The following UBE2Z variants were observed in gnomAD, a reference collection of about 807,000 sequenced individuals.
The protein encoded by UBE2Z is ubiquitin-conjugating enzyme E2 Z.
Under a neutral mutation model 32.6 loss-of-function variants are expected in UBE2Z, and 10 were observed. The ratio of observed to expected loss-of-function variants is 0.31; its 90% CI spans 0.19 to 0.52. The LOEUF is 0.52. Among genes scored for constraint, UBE2Z ranks in the 20% least tolerant of loss-of-function variants. The pLI is 0.97. For missense variants in UBE2Z, 343 were observed against 480.9 expected (o/e 0.71, Z 2.68); for synonymous variants, 183 against 190.8 (o/e 0.96, Z 0.34).
chr17:48,918,028 C>T (rs1046197361), intron 4 of UBE2Z, among the ~76,000 whole-genome samples: 1 of 152,148 alleles, frequency 6.6e-6, no homozygotes, highest in African/African-American at 2.4e-5. Context: ...CTTCTGCCTC[C>T]CAGGTTCAAG....
Position 48,927,224 on chromosome 17 carries a change from C to T in UBE2Z, c.*90C>T. On this transcript the variant is annotated 3_prime_UTR_variant, in exon 7 of 7. Coordinates refer to ENST00000360943, the MANE Select transcript of UBE2Z (RefSeq NM_023079.5). ...GGGATGGAGAGGCACTGTGTATCTC[C>T]CTCCAGACTCGAAGTCATCCTGCAA... is the stretch of plus-strand genomic sequence containing the variant. 2.2e-6 allele frequency: 3 copies of T among 1,367,702 alleles called. No homozygotes were observed. Among genetic ancestry groups the T allele is most frequent in the Non-Finnish European group, 2.0e-6 (2 of 996,620 alleles). The allele number at this position is 1,367,702 out of a possible 1,614,324, so 84.7% of individuals were successfully genotyped here. A position where few individuals can be genotyped will look rare whatever the true frequency, so the allele number is the denominator to read the frequency against.
Position 48,908,509 on chromosome 17 carries a change from G to T in UBE2Z, c.6G>T (p.Ala2=), listed in dbSNP as rs1261367031. The change falls in exon 1 of 7, where the codon GCG becomes GCT. Residue 2 remains alanine (A), a synonymous_variant. Transcript: ENST00000360943. M[A]ESPTEEAATA... ...GTCCCGGAAGCGAAGCAGCGATGGC[G>T]GAGAGTCCGACTGAGGAGGCGGCAA... The T allele has an allele frequency of 1.7e-5, 21 of 1,235,086 alleles. No homozygotes were observed. Among genetic ancestry groups the T allele is most frequent in the Middle Eastern group, 2.7e-4 (1 of 3,716 alleles). The allele number at this position is 1,235,086 out of a possible 1,614,324, so 76.5% of individuals were successfully genotyped here. A position where few individuals can be genotyped will look rare whatever the true frequency, so the allele number is the denominator to read the frequency against.
At chr17:48,910,103 G>A (rs2040665437) in intron 1 of UBE2Z, among the ~76,000 whole-genome samples, 1 of 151,934 alleles carries the variant, frequency 6.6e-6, no homozygotes, top group South Asian at 2.1e-4. Context: ...TAGGCTTTTC[G>A]CCACCTAGAA....
intron 4 of UBE2Z, 61 bp from the exon 5 acceptor site, chr17:48,921,099 C>T (rs569060427): frequency 8.9e-5 from 124 of 1,394,772 alleles, no homozygotes; most frequent in Middle Eastern, 1.8e-4. Context: ...CTTGAAGTCC[C>T]TTCCCATTGG....
At chr17:48,923,178 G>A (rs984705118) in intron 6 of UBE2Z, 9 of 319,876 alleles carry the variant, frequency 2.8e-5, no homozygotes, top group Middle Eastern at 2.1e-3. Flanking sequence ...AAAATTAGCC[G>A]GGCATCGTGG....
Position 48,927,324 on chromosome 17 carries a change from A to C in UBE2Z, c.*190A>C, listed in dbSNP as rs1237251485. On this transcript the variant is annotated 3_prime_UTR_variant, in exon 7 of 7. Coordinates refer to ENST00000360943, the MANE Select transcript of UBE2Z (RefSeq NM_023079.5). ...CTGTTCCCGGTCTGACCTCCTTGGC[A>C]CTGGAGCATCTGGGGCTTCGTTCAT... 1.6e-6 allele frequency: 1 copy of C among 610,140 alleles called. No individual in the cohort carries two copies. Among genetic ancestry groups the C allele is most frequent in the Non-Finnish European group, 2.8e-6 (1 of 353,590 alleles). 37.8% of individuals were successfully genotyped at this position (610,140 alleles called of 1,614,324 possible). A position where few individuals can be genotyped will look rare whatever the true frequency, so the allele number is the denominator to read the frequency against.
chr17:48,909,300 G>T (rs1329922815), intron 1 of UBE2Z, among the ~76,000 whole-genome samples: 1 of 150,936 alleles, frequency 6.6e-6, no homozygotes, highest in African/African-American at 2.4e-5. Flanking sequence ...CCTTTGCCAT[G>T]CCTCTGACTC....
At chr17:48,923,183 T>A in intron 6 of UBE2Z, 1 of 317,866 alleles carries the variant, frequency 3.1e-6, no homozygotes, top group Non-Finnish European at 6.1e-6. Flanking sequence ...TAGCCGGGCA[T>A]CGTGGCGTGT....
chr17:48,911,093 T>A (rs1052723813), intron 2 of UBE2Z: 43 of 539,364 alleles, frequency 8.0e-5, no homozygotes, highest in Middle Eastern at 9.8e-4. Context: ...TAGGTACTGA[T>A]TGGCTTGGAA....
rs1179671698 is a variant in UBE2Z, at chr17:48,928,803, T to C, written c.*1669T>C. The C allele has an allele frequency of 1.3e-5, 2 of 152,678 alleles. No individual in the cohort carries two copies. The highest frequency in any genetic ancestry group is 2.9e-5 in the Non-Finnish European group (2 of 68,064). 9.5% of individuals were successfully genotyped at this position (152,678 alleles called of 1,614,324 possible). ...GCTACTCCAGGGCTTAGAAGAATGC[T>C]CTTGGTCTGTGGGTCCAGTGTTGTC... On this transcript the variant is annotated 3_prime_UTR_variant, in exon 7 of 7. Transcript: ENST00000360943.
At chr17:48,921,337 C>A in intron 5 of UBE2Z, 65 bp downstream of exon 5, 1 of 1,264,000 alleles carries the variant, frequency 7.9e-7, no homozygotes, top group Non-Finnish European at 1.1e-6. Flanking sequence ...ATCTTTGGGG[C>A]AGAGTACAGT....
intron 4 of UBE2Z, among the ~76,000 whole-genome samples, chr17:48,917,556 G>A (rs531032992): frequency 6.6e-6 from 1 of 152,228 alleles, no homozygotes; most frequent in Admixed American, 6.5e-5. Context: ...AGAGTCAAAG[G>A]AGCTAGTCAT....
In UBE2Z at chr17:48,928,662, GGATTGGT is replaced by G. The variant is rs2143783008; in HGVS notation, c.*1530_*1536del. The G allele has an allele frequency of 6.5e-6, 1 of 152,864 alleles. No homozygotes were observed. The highest frequency in any genetic ancestry group is 1.9e-4 in the East Asian group (1 of 5,188). The allele number at this position is 152,864 out of a possible 1,614,324, so 9.5% of individuals were successfully genotyped here. On this transcript the variant is annotated 3_prime_UTR_variant, in exon 7 of 7. Coordinates refer to ENST00000360943, the MANE Select transcript of UBE2Z (RefSeq NM_023079.5). ...GGCAGGAAGCAAAGGAACTGGACAG[GGATTGGT>G]GGGCTTGGGGAACGGAAGTTTATCT...
chr17:48,910,584 C>A (rs540931879), intron 1 of UBE2Z: 16 of 447,152 alleles, frequency 3.6e-5, no homozygotes, highest in Admixed American at 1.0e-4. Flanking sequence ...CTCCCCTCCC[C>A]CTGAGGAAAC....
chr17:48,922,997 C>G, intron 6 of UBE2Z, 60 bp downstream of exon 6: 2 of 1,468,048 alleles, frequency 1.4e-6, no homozygotes, highest in Non-Finnish European at 1.9e-6. Flanking sequence ...AAAAGCCCCC[C>G]ACAAGCGTGG....
chr17:48,927,039 G>C lies in UBE2Z; in HGVS notation c.970G>C (p.Val324Leu). Residue 324 changes from valine (V) to leucine (L), a missense_variant, in exon 7 of 7, where the codon GTG (valine) becomes CTG (leucine). Physicochemically the swap from Val to Leu is conservative, Grantham distance 32 (BLOSUM62 1). This residue lies in a region of UBE2Z where 182 missense variants were observed against 312.4 expected (regional missense o/e 0.58). Transcript: ENST00000360943. ...GCGCCTGGGACTGATACGTCAGAAA[G>C]TGCTGGAGAGGCTCCATAATGAGAA... ...LMRLGLIRQK[V>L]LERLHNENAE... 2 of 1,613,894 alleles carry C rather than the reference G, an allele frequency of 1.2e-6. No homozygotes were observed. Among genetic ancestry groups the C allele is most frequent in the Non-Finnish European group, 1.7e-6 (2 of 1,179,866 alleles).
chr17:48,927,850 T>TG lies in UBE2Z; in HGVS notation c.*716_*717insG, dbSNP rs1004383305. ...ACAGAAAGTAAATGTGACTGGGACT[T>TG]AACCAAGGTCTTGGTAAAGCCTGCA... is the stretch of plus-strand genomic sequence containing the variant. On this transcript the variant is annotated 3_prime_UTR_variant, in exon 7 of 7. Coordinates refer to ENST00000360943, the MANE Select transcript of UBE2Z (RefSeq NM_023079.5). 1 of 152,636 alleles carries TG rather than the reference T, an allele frequency of 6.6e-6. No individual in the cohort carries two copies. The highest frequency in any genetic ancestry group is 2.4e-5 in the African/African-American group (1 of 41,412). The allele number at this position is 152,636 out of a possible 1,614,324, so 9.5% of individuals were successfully genotyped here.
chr17:48,926,613 C>T (rs1026678846), intron 6 of UBE2Z, among the ~76,000 whole-genome samples: 1 of 151,894 alleles, frequency 6.6e-6, no homozygotes, highest in East Asian at 1.9e-4. Flanking sequence ...TCCCGAGTAG[C>T]TGGGATTACA....
Position 48,912,054 on chromosome 17 carries a change from A to T in UBE2Z, c.391-780A>T, listed in dbSNP as rs1598071536. 7.6e-5 allele frequency: 10 copies of T among 132,176 alleles called. No homozygotes were observed. The South Asian group carries it at 2.5e-3, about 32-fold the overall frequency. The allele number at this position is 132,176 out of a possible 1,614,324, so 8.2% of individuals were successfully genotyped here. A position where few individuals can be genotyped will look rare whatever the true frequency, so the allele number is the denominator to read the frequency against. On this transcript the variant is annotated intron_variant, in intron 2 of 6. Coordinates refer to ENST00000360943, the MANE Select transcript of UBE2Z (RefSeq NM_023079.5). ...TTTAGTGTCGTTTTCAGGACGGCTG[A>T]TTTTTTTTTTTTTTTTTTTTTTAAA...
Sources: gnomAD v4.1 joint callset for allele counts (sites outside exome capture counted in the v4.1 genomes callset) on GRCh38, gnomAD v4.1.1 for gene constraint, gnomAD v4.1.1 regional missense constraint, MANE v1.5 for transcripts, NCBI Gene and HGNC (gene_info 2026-07-23, HGNC 2026-07-21) for gene names.